ITSN2: variants seen among roughly 807,000 people sequenced by gnomAD.
ITSN2 encodes the protein intersectin 2.
ITSN2 carries 156 observed loss-of-function variants against 243.7 expected under a neutral mutation model. The ratio of observed to expected loss-of-function variants is 0.64; its 90% CI spans 0.56 to 0.73. ITSN2 has a LOEUF of 0.73. ITSN2 is among the 30% of genes least tolerant of loss of function. ITSN2 has a pLI of 0.00. For missense variants in ITSN2, 1,801 were observed against 1,996.1 expected, an observed-to-expected ratio of 0.90 and a Z score of 1.86; for synonymous variants, 703 against 699.9, an observed-to-expected ratio of 1.00 and a Z score of -0.07.
chr2:24,356,807 G>A (rs1688489681), intron 1 of ITSN2, among the ~76,000 whole-genome samples: 1 of 151,908 alleles, frequency 6.6e-6, no homozygotes, highest in South Asian at 2.1e-4. Context: ...GGAGGCTGAG[G>A]CAGAAGAATC....
rs563103336 is a variant in ITSN2, at chr2:24,299,072, C to G, written c.1345-258G>C. 2.1e-4 allele frequency among the ~76,000 whole-genome samples: 32 copies of G among 149,778 alleles called. No homozygotes were observed. In the Middle Eastern group the frequency reaches 0.01, roughly 48 times the overall value. On this transcript the variant is annotated intron_variant, in intron 12 of 39. Coordinates refer to ENST00000355123, the MANE Select transcript of ITSN2 (RefSeq NM_006277.3). Reference sequence around the variant, plus strand: ...CCAGACAGCATCTTGCTCTGTCACCCAGGCTGGAGTGCAGTGGCACCACCT... The same window carrying G: ...CCAGACAGCATCTTGCTCTGTCACCGAGGCTGGAGTGCAGTGGCACCACCT...
intron 2 of ITSN2, among the ~76,000 whole-genome samples, chr2:24,318,546 A>G (rs1293973467): frequency 6.6e-6 from 1 of 152,232 alleles, no homozygotes; most frequent in East Asian, 1.9e-4. Context: ...ACTTTAAAGT[A>G]AGATAGTGTG....
At chr2:24,320,023 T>C (rs1684370559) in intron 2 of ITSN2, among the ~76,000 whole-genome samples, 2 of 152,176 alleles carry the variant, frequency 1.3e-5, no homozygotes, top group South Asian at 4.1e-4. Flanking sequence ...GTGTGTGCAA[T>C]TATGAATACA....
chr2:24,213,011 A>G (rs534207004), intron 32 of ITSN2, among the ~76,000 whole-genome samples: 150 of 152,238 alleles, frequency 9.9e-4, no homozygotes, highest in Non-Finnish European at 1.9e-3. Flanking sequence ...TTTCTTTTAA[A>G]TAACTCAGGA....
chr2:24,239,383 TTA>T (rs1174570063), intron 29 of ITSN2: 1 of 152,110 alleles, frequency 6.6e-6, no homozygotes, highest in African/African-American at 2.4e-5. Context: ...AGTTACATTT[TTA>T]ATAGTTATAT....
At chr2:24,332,172 G>T (rs1408524838) in intron 1 of ITSN2, among the ~76,000 whole-genome samples, 2 of 152,204 alleles carry the variant, frequency 1.3e-5, no homozygotes, top group African/African-American at 4.8e-5. Context: ...AACCCAGGAG[G>T]TGGAGGTTGC....
At chr2:24,318,503 ACT>A (rs532993302) in intron 2 of ITSN2, among the ~76,000 whole-genome samples, 17 of 151,876 alleles carry the variant, frequency 1.1e-4, no homozygotes, top group Non-Finnish European at 2.2e-4. Context: ...TGACAGCCTG[ACT>A]CTATTTCCAT....
chr2:24,252,231 A>G, intron 25 of ITSN2, 114 bp downstream of exon 25: 1 of 769,816 alleles, frequency 1.3e-6, no homozygotes, highest in Non-Finnish European at 2.1e-6. Context: ...CATAAACATG[A>G]TCTCTAAGTA....
chr2:24,347,966 C>T (rs1490437667), intron 1 of ITSN2, among the ~76,000 whole-genome samples: 3 of 151,832 alleles, frequency 2.0e-5, no homozygotes, highest in Non-Finnish European at 4.4e-5. Context: ...GTCCTAGCTA[C>T]TCAGGAAACT....
rs531595456 is a variant in ITSN2, at chr2:24,304,235, G to A, written c.794-373C>T. On this transcript the variant is annotated intron_variant, in intron 8 of 39. Transcript: ENST00000355123. ...CTTCCCACTCCTACGTGACTGAGCC[G>A]TGAGTAGCAGAAGAGTCAGGCGCTA... Among the ~76,000 whole-genome samples, 17 of 152,334 alleles carry A rather than the reference G, an allele frequency of 1.1e-4. No individual in the cohort carries two copies. In the East Asian group the frequency reaches 2.3e-3, roughly 21 times the overall value.
At chr2:24,205,071 C>T in intron 38 of ITSN2, 143 bp downstream of exon 38, 1 of 621,048 alleles carries the variant, frequency 1.6e-6, no homozygotes, top group Non-Finnish European at 3.0e-6. Flanking sequence ...CACTTGTACC[C>T]CAGAGGCAGA....
chr2:24,306,172 G>T (rs1682513114), intron 8 of ITSN2, among the ~76,000 whole-genome samples: 2 of 152,184 alleles, frequency 1.3e-5, no homozygotes, highest in East Asian at 3.9e-4. Context: ...TAGCGATGGG[G>T]TTTCACCATG....
At chr2:24,349,348 T>G (rs1180739204) in intron 1 of ITSN2, among the ~76,000 whole-genome samples, 1 of 152,190 alleles carries the variant, frequency 6.6e-6, no homozygotes, top group East Asian at 1.9e-4. Flanking sequence ...ACCACAAATT[T>G]ACAAATTCTT....
intron 13 of ITSN2, among the ~76,000 whole-genome samples, chr2:24,297,057 A>G (rs532375418): frequency 3.2e-4 from 49 of 152,342 alleles, no homozygotes; most frequent in African/African-American, 1.2e-3. Flanking sequence ...ATATAAAAAT[A>G]GTGCAAGAGA....
At position 24,272,188 on chromosome 2, in the gene ITSN2, C is replaced by T. The variant is rs561337363; in HGVS notation, c.2082-247G>A. Among the ~76,000 whole-genome samples, 6 of 152,024 alleles carry T rather than the reference C, an allele frequency of 3.9e-5. No individual in the cohort carries two copies. The South Asian group carries it at 1.2e-3, about 32-fold the overall frequency. ...GTGTATGACTGACAATTTCCCACAC[C>T]CAAAAATTCCCTCCTGCTAACCAAC... On this transcript the variant is annotated intron_variant, in intron 18 of 39. Coordinates refer to ENST00000355123, the MANE Select transcript of ITSN2 (RefSeq NM_006277.3).
At chr2:24,280,292 G>A (rs561675607) in intron 17 of ITSN2, among the ~76,000 whole-genome samples, 50 of 152,242 alleles carry the variant, frequency 3.3e-4, no homozygotes, top group African/African-American at 1.2e-3. Context: ...TCAGAACTAA[G>A]TGCCTGTCCT....
intron 23 of ITSN2, among the ~76,000 whole-genome samples, chr2:24,256,153 G>A (rs1049638570): frequency 1.3e-5 from 2 of 152,226 alleles, no homozygotes; most frequent in African/African-American, 4.8e-5. Flanking sequence ...AAACCCAGGA[G>A]GTGGAGGTTG....
intron 17 of ITSN2, among the ~76,000 whole-genome samples, chr2:24,278,631 G>T (rs1330235640): frequency 3.4e-5 from 5 of 146,076 alleles, no homozygotes; most frequent in Admixed American, 3.4e-4. Context: ...AATTCATTAA[G>T]AGTTGTTCTC....
chr2:24,288,368 G>A (rs892789070), intron 15 of ITSN2, among the ~76,000 whole-genome samples: 2 of 151,976 alleles, frequency 1.3e-5, no homozygotes, highest in African/African-American at 4.8e-5. Flanking sequence ...TATTTCATAA[G>A]TCTGTATGTC....
Sources: allele counts gnomAD v4.1 joint callset (sites outside exome capture counted in the v4.1 genomes callset), GRCh38; gene constraint gnomAD v4.1.1; transcripts MANE v1.5; gene names NCBI Gene and HGNC (gene_info 2026-07-23, HGNC 2026-07-21).